Variants in DNAH6 observed in about 807,000 individuals in gnomAD.
DNAH6 encodes the protein dynein axonemal heavy chain 6, also known as axonemal beta dynein heavy chain 6.
In DNAH6, 340 loss-of-function variants were observed where a neutral mutation model predicts 491.4. That is an observed-to-expected ratio of 0.69 (90% CI 0.63 to 0.76). DNAH6 has a LOEUF of 0.76. DNAH6 is among the 30% of genes least tolerant of loss of function. The probability of loss-of-function intolerance (pLI) is 0.00; values close to 1 mark genes in which losing one functional copy is unlikely to be tolerated. For synonymous variants in DNAH6, 1,603 were observed against 1,686.1 expected, an observed-to-expected ratio of 0.95 and a Z score of 1.21; for missense variants, 4,443 against 4,972.2, an observed-to-expected ratio of 0.89 and a Z score of 3.20.
chr2:84,468,702 T>G, the DNAH6 span, among the ~76,000 whole-genome samples: 1 of 152,240 alleles, frequency 6.6e-6, no homozygotes, highest in African/African-American at 2.4e-5. Flanking sequence ...AAACCTTGGC[T>G]AGTGAGCTAC....
chr2:84,585,945 A>C (rs1361791114), intron 15 of DNAH6, among the ~76,000 whole-genome samples: 1 of 152,188 alleles, frequency 6.6e-6, no homozygotes, highest in Non-Finnish European at 1.5e-5. Context: ...CCTTCAGGCC[A>C]ATGTGGGGCC....
intron 9 of DNAH6, among the ~76,000 whole-genome samples, chr2:84,550,476 G>A (rs535158045): frequency 4.6e-5 from 7 of 152,278 alleles, no homozygotes; most frequent in African/African-American, 1.7e-4. Context: ...TCCAAGGCCC[G>A]GGGACTGGGG....
chr2:84,606,493 G>C (rs1219693252), intron 20 of DNAH6, among the ~76,000 whole-genome samples: 3 of 152,100 alleles, frequency 2.0e-5, no homozygotes, highest in Non-Finnish European at 4.4e-5. Context: ...GAGGGAGGTG[G>C]AGGAGAAACT....
rs1212072021 is a variant in DNAH6, at chr2:84,656,293, T to C, written c.5757+1511T>C. 2.0e-5 allele frequency among the ~76,000 whole-genome samples: 3 copies of C among 152,180 alleles called. No homozygotes were observed. The East Asian group carries it at 5.8e-4, about 29-fold the overall frequency. On this transcript the variant is annotated intron_variant, in intron 35 of 76. Transcript: ENST00000389394. Reference sequence around the variant, plus strand: ...TTTTGTGTGGACATAGTTTTCACCATATTTGGGTAAATACCTAGGAATGTG... The same window carrying C: ...TTTTGTGTGGACATAGTTTTCACCACATTTGGGTAAATACCTAGGAATGTG...
intron 61 of DNAH6, among the ~76,000 whole-genome samples, 198 bp downstream of exon 61, chr2:84,728,100 AG>A (rs1236273858): frequency 1.3e-5 from 2 of 152,132 alleles, no homozygotes; most frequent in Non-Finnish European, 2.9e-5. Flanking sequence ...TGGTTTTATA[AG>A]GGGAAACCCT....
intron 42 of DNAH6, 37 bp downstream of exon 42, chr2:84,681,565 TCC>T: frequency 7.0e-7 from 1 of 1,434,720 alleles, no homozygotes; most frequent in Non-Finnish European, 9.2e-7. Context: ...ATCTGCACCC[TCC>T]CTACTTTTCC....
At chr2:84,563,379 C>T (rs1031784677) in intron 11 of DNAH6, among the ~76,000 whole-genome samples, 1 of 152,128 alleles carries the variant, frequency 6.6e-6, no homozygotes, top group African/African-American at 2.4e-5. Context: ...TTCTCCATAG[C>T]CTCCCTAGGT....
Position 84,579,622 on chromosome 2 carries a change from A to G in DNAH6, c.2172A>G (p.Pro724=), listed in dbSNP as rs189028150. ...CAGAGTATAAACTTGAGTTTGTTCC[A>G]ACTACTACCACAGAATATGTTCATA... ...QDAEYKLEFV[P]TTTTEYVHSL... The change falls in exon 14 of 77, where the codon CCA becomes CCG. Residue 724 remains proline (P), a synonymous_variant. Coordinates refer to ENST00000389394, the MANE Select transcript of DNAH6 (RefSeq NM_001370.2). 4 of 1,611,488 alleles carry G rather than the reference A, an allele frequency of 2.5e-6. No homozygotes were observed. The highest frequency in any genetic ancestry group is 2.2e-5 in the South Asian group (2 of 90,060).
intron 46 of DNAH6, 93 bp from the exon 47 acceptor site, chr2:84,697,482 A>G: frequency 1.6e-6 from 2 of 1,286,374 alleles, no homozygotes; most frequent in Non-Finnish European, 1.0e-6. Context: ...TTAAAGATGA[A>G]ATTGATTCAT....
Position 84,669,389 on chromosome 2 carries a change from A to C in DNAH6, c.6185A>C (p.Asp2062Ala). The C allele has an allele frequency of 6.4e-7, 1 of 1,551,536 alleles. No homozygotes were observed. Among genetic ancestry groups the C allele is most frequent in the Non-Finnish European group, 8.7e-7 (1 of 1,146,648 alleles). Residue 2062 changes from aspartate to alanine, a missense_variant, in exon 38 of 77, where the codon GAT becomes GCT. Around this residue, in one of 3 missense-constraint regions of DNAH6, gnomAD observed 2,977 missense variants for 3,296.6 expected, o/e 0.90. Coordinates refer to ENST00000389394, the MANE Select transcript of DNAH6 (RefSeq NM_001370.2). The stretch of plus-strand genomic sequence containing the variant: ...ATACCTACTTTCAAATACAACCGAG[A>C]TGTTCCATTTTTTGAAATGCTTGTC... ...RIIPTFKYNR[D>A]VPFFEMLVPT...
chr2:84,720,402 C>T (rs1285713837), intron 59 of DNAH6, among the ~76,000 whole-genome samples: 3 of 149,134 alleles, frequency 2.0e-5, no homozygotes, highest in Non-Finnish European at 4.5e-5. Flanking sequence ...CCTCAGCCTC[C>T]CAAGTAGCTG....
intron 15 of DNAH6, among the ~76,000 whole-genome samples, chr2:84,585,220 A>T (rs1272171627): frequency 6.6e-6 from 1 of 152,234 alleles, no homozygotes; most frequent in Non-Finnish European, 1.5e-5. Flanking sequence ...ATCTGAAAGT[A>T]AACACATCTA....
chr2:84,701,388 CT>C, intron 49 of DNAH6, 49 bp downstream of exon 49: 1 of 1,523,394 alleles, frequency 6.6e-7, no homozygotes, highest in Non-Finnish European at 8.9e-7. Context: ...GAACTCAGAA[CT>C]TTTGAGAATG....
intron 23 of DNAH6, among the ~76,000 whole-genome samples, chr2:84,617,414 T>C (rs973208226): frequency 1.3e-5 from 2 of 152,088 alleles, no homozygotes; most frequent in East Asian, 3.9e-4. Context: ...TATTAAATTA[T>C]CATTATTATT....
intron 29 of DNAH6, among the ~76,000 whole-genome samples, chr2:84,628,073 C>A (rs1688045896): frequency 6.6e-6 from 1 of 152,078 alleles, no homozygotes; most frequent in South Asian, 2.1e-4. Flanking sequence ...CACATTTCAA[C>A]TTTTGAAAGT....
At chr2:84,549,370 G>GA (rs1467244756) in intron 8 of DNAH6, among the ~76,000 whole-genome samples, 17 of 152,186 alleles carry the variant, frequency 1.1e-4, no homozygotes, top group Non-Finnish European at 2.5e-4. Flanking sequence ...CACTTGAGCA[G>GA]AATAGTACTA....
chr2:84,531,182 C>T (rs541387902), intron 4 of DNAH6, among the ~76,000 whole-genome samples: 1 of 152,170 alleles, frequency 6.6e-6, no homozygotes, highest in African/African-American at 2.4e-5. Context: ...TTAGCCTTTC[C>T]AAATGAGGCA....
chr2:84,814,637 G>T (rs1680315222), intron 75 of DNAH6, among the ~76,000 whole-genome samples: 1 of 152,212 alleles, frequency 6.6e-6, no homozygotes, highest in South Asian at 2.1e-4. Context: ...TCCGGGACCA[G>T]CCTGCCCTGG....
chr2:84,552,060 A>AT (rs1428779849), intron 9 of DNAH6, among the ~76,000 whole-genome samples: 4 of 152,208 alleles, frequency 2.6e-5, no homozygotes, highest in African/African-American at 9.6e-5. Context: ...AAAAAAAAAA[A>AT]AAAAAAAGAA....
Sources: gnomAD v4.1 joint callset for allele counts (sites outside exome capture counted in the v4.1 genomes callset) on GRCh38, gnomAD v4.1.1 for gene constraint, gnomAD v4.1.1 regional missense constraint, MANE v1.5 for transcripts, NCBI Gene and HGNC (gene_info 2026-07-23, HGNC 2026-07-21) for gene names.